MSRB3: variants seen among roughly 807,000 people sequenced by gnomAD.
MSRB3 encodes methionine-R-sulfoxide reductase B3.
A neutral mutation model predicts 21.0 loss-of-function variants in MSRB3; 13 were observed. The observed-to-expected ratio is 0.62, with a 90% confidence interval of 0.40 to 0.98. The LOEUF is 0.98. Among genes scored for constraint, MSRB3 ranks in the 50% least tolerant of loss-of-function variants. The probability of loss-of-function intolerance (pLI) is 0.00; values close to 1 mark genes in which losing one functional copy is unlikely to be tolerated. For synonymous variants in MSRB3, 87 were observed against 88.6 expected (o/e 0.98, Z 0.10); for missense variants, 199 against 230.3 (o/e 0.86, Z 0.88).
chr12:65,457,334 T>A (rs1883135121), intron 6 of MSRB3, among the ~76,000 whole-genome samples: 1 of 152,198 alleles, frequency 6.6e-6, no homozygotes, highest in Non-Finnish European at 1.5e-5. Flanking sequence ...ACCCATCATC[T>A]GCATTAGGTA....
At chr12:65,288,244 A>G (rs1332953600) in intron 1 of MSRB3, among the ~76,000 whole-genome samples, 2 of 151,138 alleles carry the variant, frequency 1.3e-5, no homozygotes, top group African/African-American at 2.4e-5. Flanking sequence ...CGGAGGTTCC[A>G]GTGAGCCAAG....
intron 5 of MSRB3, among the ~76,000 whole-genome samples, chr12:65,389,887 C>G (rs930853852): frequency 1.3e-5 from 2 of 152,224 alleles, no homozygotes; most frequent in African/African-American, 4.8e-5. Flanking sequence ...TCTTCAATTT[C>G]AGGTTGCCCC....
intron 1 of MSRB3, among the ~76,000 whole-genome samples, chr12:65,286,953 C>T (rs570136894): frequency 3.1e-5 from 4 of 128,482 alleles, no homozygotes; most frequent in East Asian, 5.6e-4. Flanking sequence ...CCCAGGAGTT[C>T]GAGGCTACAG....
intron 5 of MSRB3, chr12:65,418,849 T>A: frequency 1.2e-6 from 1 of 807,872 alleles, no homozygotes; most frequent in Non-Finnish European, 2.1e-6. Context: ...AAGACTGAAG[T>A]CCTTGATGTC....
At chr12:65,331,489 A>G (rs886944548) in intron 4 of MSRB3, among the ~76,000 whole-genome samples, 1 of 152,198 alleles carries the variant, frequency 6.6e-6, no homozygotes, top group Non-Finnish European at 1.5e-5. Flanking sequence ...AGAAGTTGTT[A>G]TGGTGCCATG....
At chr12:65,396,691 CAAAAAAAAAAA>C (rs747120558) in intron 5 of MSRB3, among the ~76,000 whole-genome samples, 52 of 23,128 alleles carry the variant, frequency 2.2e-3, no homozygotes, top group African/African-American at 5.6e-3. Context: ...AACTCCATCT[CAAAAAAAAAAA>C]AAAAAGAAAG....
At chr12:65,290,526 T>C (rs1162854059) in intron 1 of MSRB3, among the ~76,000 whole-genome samples, 2 of 152,248 alleles carry the variant, frequency 1.3e-5, no homozygotes, top group Non-Finnish European at 2.9e-5. Flanking sequence ...CATGACACAA[T>C]GTAATTTTCC....
intron 6 of MSRB3, 21 bp from the exon 7 acceptor site, chr12:65,463,134 C>A (rs569750753): frequency 6.2e-7 from 1 of 1,613,738 alleles, no homozygotes; most frequent in East Asian, 2.2e-5. Flanking sequence ...TTTTCCCTGA[C>A]GTTTTGTTCT....
At chr12:65,406,127 T>C (rs890701389) in intron 5 of MSRB3, among the ~76,000 whole-genome samples, 2 of 152,188 alleles carry the variant, frequency 1.3e-5, no homozygotes, top group African/African-American at 4.8e-5. Flanking sequence ...TTTGGAGTCA[T>C]ATCCAAAACA....
chr12:65,381,470 A>C (rs931066657), intron 5 of MSRB3, among the ~76,000 whole-genome samples: 3 of 152,162 alleles, frequency 2.0e-5, no homozygotes, highest in African/African-American at 7.2e-5. Flanking sequence ...ACTTGGTTGC[A>C]GGCTTAAGAT....
Position 65,404,034 on chromosome 12 carries a change from G to A in MSRB3, c.292+35008G>A, listed in dbSNP as rs117024137. ...TTGATCTCGCTGGAAGCTGCAGACCGGAGCTGTTCCTATTTGATCATCTTG... is the reference window on the plus strand; with the variant it reads ...TTGATCTCGCTGGAAGCTGCAGACCAGAGCTGTTCCTATTTGATCATCTTG... On this transcript the variant is annotated intron_variant, in intron 5 of 6. Coordinates refer to ENST00000308259, the MANE Select transcript of MSRB3 (RefSeq NM_001031679.3). Among the ~76,000 whole-genome samples, 420 of 152,292 alleles carry A rather than the reference G, an allele frequency of 2.8e-3. 1 individual carries two copies. Among genetic ancestry groups the A allele is most frequent in the African/African-American group, 9.4e-3 (392 of 41,566 alleles).
intron 5 of MSRB3, among the ~76,000 whole-genome samples, chr12:65,414,812 A>G (rs1455473191): frequency 1.3e-5 from 2 of 152,318 alleles, no homozygotes; most frequent in East Asian, 1.9e-4. Context: ...AAATTGCAGC[A>G]ATTAAAATGA....
chr12:65,337,253 A>AAAAAC (rs999794039), intron 4 of MSRB3, among the ~76,000 whole-genome samples: 1 of 149,328 alleles, frequency 6.7e-6, no homozygotes, highest in Non-Finnish European at 1.5e-5. Flanking sequence ...AAAAAAAACA[A>AAAAAC]AAAACAAAAC....
chr12:65,374,910 C>G (rs12313934), intron 5 of MSRB3, among the ~76,000 whole-genome samples: 1 of 151,892 alleles, frequency 6.6e-6, no homozygotes, highest in Admixed American at 6.6e-5. Flanking sequence ...AGTGCAGTGG[C>G]GCGATCTCGG....
intron 5 of MSRB3, among the ~76,000 whole-genome samples, chr12:65,393,175 C>A (rs1444789990): frequency 3.3e-5 from 5 of 151,216 alleles, no homozygotes; most frequent in Non-Finnish European, 7.4e-5. Flanking sequence ...ATGCATTTAC[C>A]TTTGCTATTG....
intron 4 of MSRB3, among the ~76,000 whole-genome samples, chr12:65,332,391 C>A (rs1292273757): frequency 2.6e-5 from 4 of 151,798 alleles, no homozygotes; most frequent in Non-Finnish European, 5.9e-5. Context: ...ACTAGAGGAA[C>A]CGTATGAGAA....
intron 2 of MSRB3, among the ~76,000 whole-genome samples, chr12:65,318,391 C>T (rs1874441182): frequency 6.6e-6 from 1 of 152,142 alleles, no homozygotes; most frequent in South Asian, 2.1e-4. Flanking sequence ...CCGCTCATCT[C>T]CCTAGCAGTC....
At position 65,463,568 on chromosome 12, in the gene MSRB3, T is replaced by TA. The variant is rs1218840754; in HGVS notation, c.*247dup. ...TTGTGAAACTTCTTCACAAGCCACT[T>TA]ATACCCTTTGGCATTCTTTTCTTTG... is the stretch of plus-strand genomic sequence containing the variant. On this transcript the variant is annotated 3_prime_UTR_variant, in exon 7 of 7. Coordinates refer to ENST00000308259, the MANE Select transcript of MSRB3 (RefSeq NM_001031679.3). 5 of 495,880 alleles carry TA rather than the reference T, an allele frequency of 1.0e-5. No homozygotes were observed. The highest frequency in any genetic ancestry group is 2.2e-5 in the South Asian group (1 of 44,744). The allele number at this position is 495,880 out of a possible 1,614,324, so 30.7% of individuals were successfully genotyped here.
At chr12:65,339,439 C>T (rs1005546492) in intron 4 of MSRB3, among the ~76,000 whole-genome samples, 4 of 152,188 alleles carry the variant, frequency 2.6e-5, no homozygotes, top group East Asian at 3.8e-4. Context: ...AAATCAAACA[C>T]TGACTTTTAG....
Sources: allele counts gnomAD v4.1 joint callset (sites outside exome capture counted in the v4.1 genomes callset), GRCh38; gene constraint gnomAD v4.1.1; transcripts MANE v1.5; gene names NCBI Gene and HGNC (gene_info 2026-07-23, HGNC 2026-07-21).